The following SDK1 variants were observed in gnomAD, a reference collection of about 807,000 sequenced individuals.
SDK1 encodes the protein sidekick cell adhesion molecule 1, also known as protein sidekick-1.
SDK1 carries 157 observed loss-of-function variants against 245.5 expected under a neutral mutation model. The observed-to-expected ratio is 0.64, with a 90% CI of 0.56 to 0.73. The LOEUF (loss-of-function observed/expected upper bound fraction) is 0.73, where lower values mean the gene tolerates loss of function less well. SDK1 is among the 30% of genes least tolerant of loss of function. SDK1 has a pLI of 0.00. For synonymous variants in SDK1, 1,647 were observed against 1,278.5 expected (o/e 1.29, Z -6.15); for missense variants, 3,583 against 3,002.3 (o/e 1.19, Z -4.52).
At chr7:3,943,616 G>C (rs1780460994) in intron 5 of SDK1, among the ~76,000 whole-genome samples, 2 of 151,410 alleles carry the variant, frequency 1.3e-5, no homozygotes, top group Non-Finnish European at 1.5e-5. Flanking sequence ...CCAACCCGGC[G>C]CACGGTGCGG....
At chr7:4,108,848 C>T (rs1165645992) in intron 22 of SDK1, among the ~76,000 whole-genome samples, 1 of 152,196 alleles carries the variant, frequency 6.6e-6, no homozygotes, top group East Asian at 1.9e-4. Flanking sequence ...TCTCCCCATC[C>T]CCTGGCAACC....
chr7:3,746,555 A>T (rs561978647), intron 4 of SDK1, among the ~76,000 whole-genome samples: 10 of 152,208 alleles, frequency 6.6e-5, no homozygotes, highest in South Asian at 2.1e-4. Flanking sequence ...ATCAACTAAG[A>T]GTATGTAATG....
At chr7:4,246,954 C>T (rs1353168259) in intron 44 of SDK1, among the ~76,000 whole-genome samples, 2 of 152,212 alleles carry the variant, frequency 1.3e-5, no homozygotes, top group African/African-American at 4.8e-5. Context: ...AACACACCTT[C>T]CCTACAGGTG....
intron 1 of SDK1, among the ~76,000 whole-genome samples, chr7:3,401,126 T>A (rs1340285217): frequency 6.6e-6 from 1 of 152,206 alleles, no homozygotes; most frequent in Non-Finnish European, 1.5e-5. Context: ...GGAGCTGTCA[T>A]TGTGAGTCTG....
intron 1 of SDK1, among the ~76,000 whole-genome samples, chr7:3,464,698 G>GTATGTATATA (rs1554275278): frequency 6.8e-6 from 1 of 148,114 alleles, no homozygotes; most frequent in African/African-American, 2.5e-5. Context: ...GTGTATGTAT[G>GTATGTATATA]TATATATATA....
intron 17 of SDK1, among the ~76,000 whole-genome samples, chr7:4,047,007 T>C (rs1789063014): frequency 6.6e-6 from 1 of 152,224 alleles, no homozygotes; most frequent in Non-Finnish European, 1.5e-5. Flanking sequence ...GTGTTTGGTT[T>C]CCTTCATTCG....
At chr7:3,309,392 T>C (rs921210367) in intron 1 of SDK1, among the ~76,000 whole-genome samples, 2 of 151,518 alleles carry the variant, frequency 1.3e-5, no homozygotes, top group African/African-American at 4.9e-5. Flanking sequence ...TTTCCTTCCA[T>C]GATTCACCAC....
At chr7:3,938,722 AGCTCCTAAATAT>A (rs1330613173) in intron 5 of SDK1, among the ~76,000 whole-genome samples, 1 of 151,900 alleles carries the variant, frequency 6.6e-6, no homozygotes, top group Non-Finnish European at 1.5e-5. Context: ...CCAATCATGC[AGCTCCTAAATAT>A]GCTCCTAAAT....
intron 1 of SDK1, among the ~76,000 whole-genome samples, chr7:3,309,469 C>G (rs1343152172): frequency 6.8e-6 from 1 of 148,016 alleles, no homozygotes; most frequent in Non-Finnish European, 1.5e-5. Context: ...TAATACCCAG[C>G]TATGTGAAAT....
intron 5 of SDK1, among the ~76,000 whole-genome samples, chr7:3,917,912 T>A (rs746766221): frequency 2.0e-5 from 3 of 152,124 alleles, no homozygotes; most frequent in Non-Finnish European, 2.9e-5. Context: ...ATGGGAAGAT[T>A]TGGGGCTCAG....
intron 16 of SDK1, among the ~76,000 whole-genome samples, chr7:4,012,533 A>G (rs569406808): frequency 2.3e-3 from 166 of 73,202 alleles, no homozygotes; most frequent in African/African-American, 6.7e-3. Flanking sequence ...AGCAAGGTAT[A>G]TTGTTCAATG....
chr7:3,378,567 C>T (rs1781408485), intron 1 of SDK1, among the ~76,000 whole-genome samples: 2 of 152,056 alleles, frequency 1.3e-5, no homozygotes, highest in Non-Finnish European at 2.9e-5. Context: ...GCTGTGACTC[C>T]AAAGCCTGCC....
At chr7:3,901,343 C>T (rs1231993717) in intron 5 of SDK1, among the ~76,000 whole-genome samples, 6 of 152,050 alleles carry the variant, frequency 3.9e-5, no homozygotes, top group African/African-American at 9.7e-5. Flanking sequence ...TGTGCCACCA[C>T]GCCCGGTTAA....
intron 4 of SDK1, among the ~76,000 whole-genome samples, chr7:3,712,708 G>T (rs991385604): frequency 3.9e-5 from 6 of 152,212 alleles, no homozygotes; most frequent in East Asian, 3.8e-4. Context: ...TTACTGGGCA[G>T]TAGTTACCTT....
chr7:3,341,057 G>C (rs1780336424), intron 1 of SDK1, among the ~76,000 whole-genome samples: 2 of 152,042 alleles, frequency 1.3e-5, no homozygotes, highest in South Asian at 4.2e-4. Flanking sequence ...AGCAAAATCA[G>C]AGACAGCAAA....
intron 22 of SDK1, among the ~76,000 whole-genome samples, chr7:4,084,145 GT>G (rs1781276162): frequency 6.6e-6 from 1 of 152,142 alleles, no homozygotes; most frequent in Admixed American, 6.5e-5. Flanking sequence ...AGACTATTTA[GT>G]TACTCTCAAA....
rs1554312481 is a variant in SDK1, at chr7:4,029,228, T to TGTG, written c.2602+11876_2602+11877insGTG. On this transcript the variant is annotated intron_variant, in intron 17 of 44. Transcript: ENST00000404826. ...TTTTATTCTTTCTTTTTTTTTTTTT[T>TGTG]TGTGAAGAAGTCTCACTCTGTCATC... is the stretch of plus-strand genomic sequence containing the variant. Among the ~76,000 whole-genome samples the TGTG allele has an allele frequency of 7.1e-5, 8 of 112,072 alleles. 1 individual carries two copies. Among genetic ancestry groups the TGTG allele is most frequent in the Middle Eastern group, 4.6e-3 (1 of 218 alleles). The allele number at this position is 112,072 out of a possible 152,430, so 73.5% of individuals were successfully genotyped here.
intron 20 of SDK1, among the ~76,000 whole-genome samples, chr7:4,071,216 G>A (rs930460819): frequency 2.0e-5 from 3 of 151,664 alleles, no homozygotes; most frequent in African/African-American, 7.3e-5. Flanking sequence ...GTAGAGACAG[G>A]GTTTTACCAT....
intron 5 of SDK1, among the ~76,000 whole-genome samples, chr7:3,832,621 C>T (rs1051599225): frequency 6.6e-6 from 1 of 152,104 alleles, no homozygotes; most frequent in Non-Finnish European, 1.5e-5. Flanking sequence ...CCTGCTTTTC[C>T]AAGAACACTT....
Sources: gnomAD v4.1 joint callset for allele counts (sites outside exome capture counted in the v4.1 genomes callset) on GRCh38, gnomAD v4.1.1 for gene constraint, MANE v1.5 for transcripts, NCBI Gene and HGNC (gene_info 2026-07-23, HGNC 2026-07-21) for gene names.